Variants in PRR33 observed in about 807,000 individuals in gnomAD.
The protein encoded by PRR33 is proline-rich protein 33.
Under a neutral mutation model 0.5 loss-of-function variants are expected in PRR33, and 1 was observed. The observed-to-expected ratio is 2.18, with a 90% CI of 0.77 to 10.34. PRR33 has a LOEUF of 10.34. Ranked by LOEUF, PRR33 falls within the 30% of genes most tolerant of loss-of-function variation. The pLI is 0.13. For synonymous variants in PRR33, 226 were observed against 110.0 expected, an observed-to-expected ratio of 2.06 and a Z score of -6.60; for missense variants, 552 against 251.8, an observed-to-expected ratio of 2.19 and a Z score of -8.07.
the PRR33 span, among the ~76,000 whole-genome samples, chr11:1,902,314 T>C: frequency 6.6e-6 from 1 of 151,774 alleles, no homozygotes; most frequent in Non-Finnish European, 1.5e-5. Context: ...GCTTCTTAGC[T>C]GAAATTACTG....
upstream of PRR33, chr11:1,892,346 C>A (rs973600890): frequency 6.6e-6 from 1 of 152,306 alleles, no homozygotes; most frequent in African/African-American, 2.4e-5. Context: ...CATTCCCACA[C>A]TGCACAGCAT....
At chr11:1,904,680 G>A in the PRR33 span, among the ~76,000 whole-genome samples, 1 of 151,054 alleles carries the variant, frequency 6.6e-6, no homozygotes, top group South Asian at 2.1e-4. Flanking sequence ...GCTAATTTTT[G>A]CATTTTTAGT....
At chr11:1,890,182 C>T (rs1020051059) in exon 1 of PRR33, 18 of 716,732 alleles carry the variant, frequency 2.5e-5, no homozygotes, top group African/African-American at 3.5e-5. Context: ...TGGGTGAGGC[C>T]GATGGAGAAC....
exon 1 of PRR33, chr11:1,889,001 G>A: frequency 1.8e-6 from 1 of 550,716 alleles, no homozygotes; most frequent in Non-Finnish European, 3.2e-6. Flanking sequence ...AGCACCCCAT[G>A]TGCCCTTCCC....
chr11:1,899,581 A>G, the PRR33 span, among the ~76,000 whole-genome samples: 1 of 152,148 alleles, frequency 6.6e-6, no homozygotes, highest in East Asian at 1.9e-4. Context: ...TTCATAAGGC[A>G]CCAACTTATG....
chr11:1,903,270 TG>T, the PRR33 span: 3 of 141,234 alleles, frequency 2.1e-5, no homozygotes, highest in African/African-American at 7.7e-5. Flanking sequence ...AGTGCTACCG[TG>T]CCTGGCTAAT....
chr11:1,910,236 G>A, the PRR33 span, among the ~76,000 whole-genome samples: 1 of 151,786 alleles, frequency 6.6e-6, no homozygotes, highest in Non-Finnish European at 1.5e-5. Flanking sequence ...TGGCCAAGAT[G>A]TCACTGGGCG....
the PRR33 span, among the ~76,000 whole-genome samples, chr11:1,905,479 C>T: frequency 1.8e-4 from 26 of 146,780 alleles, no homozygotes; most frequent in African/African-American, 6.6e-4. Flanking sequence ...CGCTCTGTCG[C>T]CCAGGCTGGA....
chr11:1,896,954 C>T, the PRR33 span, among the ~76,000 whole-genome samples: 1 of 152,224 alleles, frequency 6.6e-6, no homozygotes, highest in Non-Finnish European at 1.5e-5. Flanking sequence ...GCTAATGGGG[C>T]AGCCCCCAAA....
At chr11:1,905,122 CTTTTTTTTTTTTT>C in the PRR33 span, among the ~76,000 whole-genome samples, 2 of 96,584 alleles carry the variant, frequency 2.1e-5, no homozygotes, top group Non-Finnish European at 3.9e-5. Context: ...CTTGAGAATT[CTTTTTTTTTTTTT>C]TTTTTTTTGG....
At chr11:1,893,790 T>C (rs972215145), upstream of PRR33, among the ~76,000 whole-genome samples, 2 of 147,364 alleles carry the variant, frequency 1.4e-5, no homozygotes, top group Non-Finnish European at 3.0e-5. Context: ...GGTGGATGGA[T>C]GGATAGGTGG....
chr11:1,888,243 C>G (rs1364575081), exon 1 of PRR33, among the ~76,000 whole-genome samples: 1 of 152,222 alleles, frequency 6.6e-6, no homozygotes, highest in Non-Finnish European at 1.5e-5. Flanking sequence ...CTGTGTCCCT[C>G]TCCTGTGGTT....
the PRR33 span, among the ~76,000 whole-genome samples, chr11:1,906,132 C>T: frequency 6.6e-6 from 1 of 152,002 alleles, no homozygotes; most frequent in Non-Finnish European, 1.5e-5. Flanking sequence ...GGCCCCTCTG[C>T]TTCTTAATAG....
At chr11:1,896,339 C>G (rs1311454191), upstream of PRR33, among the ~76,000 whole-genome samples, 1 of 152,168 alleles carries the variant, frequency 6.6e-6, no homozygotes, top group African/African-American at 2.4e-5. Flanking sequence ...GGATTTTTTA[C>G]TCTTTCAATT....
At chr11:1,891,988 C>G (rs1412634939), upstream of PRR33, 1 of 151,856 alleles carries the variant, frequency 6.6e-6, no homozygotes, top group Admixed American at 6.6e-5. Flanking sequence ...CCCCCGCCCT[C>G]CCCACCCAGC....
At chr11:1,903,732 C>T in the PRR33 span, among the ~76,000 whole-genome samples, 1 of 152,170 alleles carries the variant, frequency 6.6e-6, no homozygotes. Context: ...TGAAGGATCC[C>T]ATTTTACATT....
upstream of PRR33, among the ~76,000 whole-genome samples, chr11:1,896,620 A>C (rs1018483889): frequency 6.6e-6 from 1 of 152,048 alleles, no homozygotes; most frequent in African/African-American, 2.4e-5. Flanking sequence ...TCTCGTCTGT[A>C]TGGCTTTTAT....
At chr11:1,894,586 C>T (rs1370386693), upstream of PRR33, among the ~76,000 whole-genome samples, 1 of 152,268 alleles carries the variant, frequency 6.6e-6, no homozygotes, top group African/African-American at 2.4e-5. Context: ...AGCACGCACG[C>T]ACTCCTTGTC....
the PRR33 span, among the ~76,000 whole-genome samples, chr11:1,908,696 T>C: frequency 6.6e-6 from 1 of 152,228 alleles, no homozygotes; most frequent in Non-Finnish European, 1.5e-5. Context: ...TGAAAACTCT[T>C]CCGCCGACTC....
Sources: gnomAD v4.1 joint callset for allele counts (sites outside exome capture counted in the v4.1 genomes callset) on GRCh38, gnomAD v4.1.1 for gene constraint, MANE v1.5 for transcripts, NCBI Gene and HGNC (gene_info 2026-07-23, HGNC 2026-07-21) for gene names.